The following PAH variants were observed in gnomAD, a reference collection of about 807,000 sequenced individuals.
The protein encoded by PAH is phenylalanine-4-hydroxylase.
PAH carries 64 observed loss-of-function variants against 62.0 expected under a neutral mutation model. The ratio of observed to expected loss-of-function variants is 1.03; its 90% confidence interval spans 0.84 to 1.27. PAH has a LOEUF of 1.27. PAH is among the 50% of genes most tolerant of loss of function. The pLI, the probability that PAH is intolerant of heterozygous loss-of-function variation, is 0.00. For missense variants in PAH, 579 were observed against 542.8 expected (o/e 1.07, Z -0.66); for synonymous variants, 195 against 196.2 (o/e 0.99, Z 0.05).
chr12:102,913,045 A>G (rs1258084163), intron 1 of PAH, 147 bp from the exon 2 acceptor site: 3 of 654,656 alleles, frequency 4.6e-6, no homozygotes, highest in East Asian at 5.7e-5. Flanking sequence ...ATACAGAAAT[A>G]TGTAGTGTGG....
intron 2 of PAH, among the ~76,000 whole-genome samples, chr12:102,903,297 G>A (rs140030863): frequency 1.1e-3 from 171 of 151,512 alleles, no homozygotes; most frequent in Non-Finnish European, 2.1e-3. Context: ...GGAGGTGGAG[G>A]TTGAGGTGGG....
At chr12:102,858,970 G>C (rs1211822518) in intron 5 of PAH, among the ~76,000 whole-genome samples, 1 of 152,144 alleles carries the variant, frequency 6.6e-6, no homozygotes, top group East Asian at 1.9e-4. Context: ...AAATAACTGA[G>C]ATCAGAGCAG....
chr12:102,855,340 A>G lies in PAH; in HGVS notation c.510-8T>C, dbSNP rs1384158258. The G allele has an allele frequency of 6.2e-7, 1 of 1,613,662 alleles. No homozygotes were observed. Among genetic ancestry groups the G allele is most frequent in the African/African-American group, 1.3e-5 (1 of 74,880 alleles). ...CGAGGGATGGGCTGCCCACTAGAAT[A>G]CAGGCACAAAATAGGTGTCTCAAGC... On this transcript the variant is annotated splice_region_variant and splice_polypyrimidine_tract_variant and intron_variant, in intron 5 of 12. Coordinates refer to ENST00000553106, the MANE Select transcript of PAH (RefSeq NM_000277.3).
intron 2 of PAH, among the ~76,000 whole-genome samples, chr12:102,897,754 T>A (rs1005486521): frequency 6.6e-6 from 1 of 152,204 alleles, no homozygotes; most frequent in Non-Finnish European, 1.5e-5. Flanking sequence ...TGGATTACTA[T>A]GGCATCTGCT....
intron 5 of PAH, among the ~76,000 whole-genome samples, chr12:102,863,981 GA>G (rs1434963286): frequency 6.6e-6 from 1 of 152,054 alleles, no homozygotes; most frequent in Non-Finnish European, 1.5e-5. Flanking sequence ...TCACCATTTT[GA>G]ATCTTTACTT....
Position 102,932,124 on chromosome 12 carries a change from T to C in PAH, c.-95-14899A>G, listed in dbSNP as rs994551808. Among the ~76,000 whole-genome samples the C allele has an allele frequency of 5.9e-5, 9 of 152,170 alleles. 1 individual carries two copies. Among genetic ancestry groups the C allele is most frequent in the Admixed American group, 2.6e-4 (4 of 15,260 alleles). On this transcript the variant is annotated intron_variant, in intron 1 of 3. Transcript: ENST00000546844. Reference sequence around the variant, plus strand: ...AGACTTATCATCTGTGTTACCTCTCTGCTTACAAATCTCCCAGGCCATCCC... The same window carrying C: ...AGACTTATCATCTGTGTTACCTCTCCGCTTACAAATCTCCCAGGCCATCCC...
In PAH at chr12:102,868,073, CATAT is replaced by C. The variant is rs1555205803; in HGVS notation, c.442-1414_442-1411del. Among the ~76,000 whole-genome samples the C allele has an allele frequency of 1.1e-4, 11 of 103,338 alleles. 1 individual carries two copies. Among genetic ancestry groups the C allele is most frequent in the South Asian group, 8.9e-4 (3 of 3,356 alleles). The allele number at this position is 103,338 out of a possible 152,430, so 67.8% of individuals were successfully genotyped here. A position where few individuals can be genotyped will look rare whatever the true frequency, so the allele number is the denominator to read the frequency against. ...ATGTATATATATACACATATATATACATATATGTGTGTGTGTATATATATATATA... is the reference window on the plus strand; with the variant it reads ...ATGTATATATATACACATATATATACATGTGTGTGTGTATATATATATATA... On this transcript the variant is annotated intron_variant, in intron 4 of 12. Transcript: ENST00000553106.
chr12:102,880,449 T>C (rs1255213832), intron 3 of PAH, among the ~76,000 whole-genome samples: 3 of 152,148 alleles, frequency 2.0e-5, no homozygotes, highest in East Asian at 3.8e-4. Context: ...CTTTCCTCTA[T>C]GTTCAGGACC....
chr12:102,913,875 G>A (rs1281372725), intron 1 of PAH: 6 of 701,144 alleles, frequency 8.6e-6, no homozygotes, highest in Admixed American at 8.0e-5. Flanking sequence ...ATTAGCCTAA[G>A]TCGAAAAATA....
chr12:102,927,294 T>C (rs1446665088), intron 1 of PAH, among the ~76,000 whole-genome samples: 1 of 151,234 alleles, frequency 6.6e-6, no homozygotes, highest in African/African-American at 2.4e-5. Flanking sequence ...TTTTTTTTTT[T>C]TTTTTCTGAC....
chr12:102,852,014 G>A, intron 7 of PAH: 1 of 498,074 alleles, frequency 2.0e-6, no homozygotes, highest in Non-Finnish European at 3.6e-6. Flanking sequence ...AGTATCCCCA[G>A]TGGGGTACCA....
At chr12:102,901,079 C>T (rs1877731995) in intron 2 of PAH, among the ~76,000 whole-genome samples, 1 of 152,174 alleles carries the variant, frequency 6.6e-6, no homozygotes, top group East Asian at 1.9e-4. Context: ...CTTCTCCTAT[C>T]CTTTAAGAAA....
chr12:102,940,251 T>G (rs1565882173), intron 1 of PAH, among the ~76,000 whole-genome samples: 1 of 152,234 alleles, frequency 6.6e-6, no homozygotes, highest in African/African-American at 2.4e-5. Flanking sequence ...ATGACAACTC[T>G]GACAATTCTA....
chr12:102,877,982 T>C (rs111532303), intron 3 of PAH, among the ~76,000 whole-genome samples: 3,932 of 152,192 alleles, frequency 0.026, 162 homozygotes, highest in African/African-American at 0.087. Context: ...CACGCCATCA[T>C]GCCTGCCCAA....
chr12:102,881,841 C>A (rs536458717), intron 3 of PAH, among the ~76,000 whole-genome samples: 2 of 151,996 alleles, frequency 1.3e-5, no homozygotes, highest in African/African-American at 2.4e-5. Context: ...AGGAGGGTAT[C>A]GCATTTTCTT....
At position 102,840,528 on chromosome 12, in the gene PAH, C is replaced by T; in HGVS notation, c.1200-13G>A. 1.3e-6 allele frequency: 2 copies of T among 1,578,922 alleles called. No individual in the cohort carries two copies. The highest frequency in any genetic ancestry group is 1.1e-5 in the South Asian group (1 of 90,392). ...GGCAGCAAAGTTCCTAAGACCAAAA[C>T]CACAGGCTTGAGTGAAGGGCACCAT... On this transcript the variant is annotated splice_polypyrimidine_tract_variant and intron_variant, in intron 11 of 12. Coordinates refer to ENST00000553106, the MANE Select transcript of PAH (RefSeq NM_000277.3).
chr12:102,855,316 G>A lies in PAH; in HGVS notation c.526C>T (p.Arg176Ter), dbSNP rs199475575. Residue 176 changes from arginine to a stop codon, truncating the protein, a stop_gained, in exon 6 of 13, where the codon CGA becomes TGA. Coordinates refer to ENST00000553106, the MANE Select transcript of PAH (RefSeq NM_000277.3). LOFTEE classifies it high-confidence loss of function. ...YNYRHGQPIPRVEYMEEEKKT... is the reference protein window; with the variant it reads ...YNYRHGQPIP ...TTTTCTTCCTCCATGTATTCCACTCGAGGGATGGGCTGCCCACTAGAATAC... is the reference window on the plus strand; with the variant it reads ...TTTTCTTCCTCCATGTATTCCACTCAAGGGATGGGCTGCCCACTAGAATAC... 18 of 1,613,890 alleles carry A rather than the reference G, an allele frequency of 1.1e-5. No homozygotes were observed. Among genetic ancestry groups the A allele is most frequent in the Middle Eastern group, 1.6e-4 (1 of 6,080 alleles).
intron 1 of PAH, among the ~76,000 whole-genome samples, chr12:102,926,961 T>C (rs75949816): frequency 1.3e-5 from 2 of 148,258 alleles, no homozygotes; most frequent in African/African-American, 2.5e-5. Flanking sequence ...GCACTGTTTG[T>C]TTGGGTGGGT....
chr12:102,851,664 A>C, intron 8 of PAH, 23 bp downstream of exon 8: 1 of 1,607,350 alleles, frequency 6.2e-7, no homozygotes, highest in Non-Finnish European at 8.5e-7. Flanking sequence ...TATAACTAGA[A>C]GGCTAAAAAA....
Sources: allele counts gnomAD v4.1 joint callset (sites outside exome capture counted in the v4.1 genomes callset), GRCh38; gene constraint gnomAD v4.1.1; transcripts MANE v1.5; gene names NCBI Gene and HGNC (gene_info 2026-07-23, HGNC 2026-07-21).